Variants in CNTN4 observed in about 807,000 individuals in gnomAD.
The protein encoded by CNTN4 is contactin 4, also known as contactin-4.
A neutral mutation model predicts 122.5 loss-of-function variants in CNTN4; 77 were observed. The ratio of observed to expected loss-of-function variants is 0.63; its 90% confidence interval spans 0.52 to 0.76. The LOEUF (loss-of-function observed/expected upper bound fraction) is 0.76. Among genes scored for constraint, CNTN4 ranks in the 30% least tolerant of loss-of-function variants. The probability of loss-of-function intolerance (pLI) is 0.00; values close to 1 mark genes in which losing one functional copy is unlikely to be tolerated. For missense variants in CNTN4, 1,256 were observed against 1,259.1 expected (o/e 1.00, Z 0.04); for synonymous variants, 512 against 447.0 (o/e 1.15, Z -1.83).
chr3:2,613,397 T>G (rs1018052607), intron 4 of CNTN4, among the ~76,000 whole-genome samples: 9 of 152,122 alleles, frequency 5.9e-5, no homozygotes, highest in Admixed American at 2.6e-4. Context: ...GGGCCCATCT[T>G]CTATGATGCA....
chr3:2,833,025 A>G (rs1297823368), intron 7 of CNTN4, among the ~76,000 whole-genome samples: 1 of 152,210 alleles, frequency 6.6e-6, no homozygotes, highest in Non-Finnish European at 1.5e-5. Context: ...AAAAAAAATT[A>G]CTTGGTGATC....
chr3:2,968,766 G>T (rs1692581986), intron 13 of CNTN4, among the ~76,000 whole-genome samples: 1 of 152,152 alleles, frequency 6.6e-6, no homozygotes, highest in Non-Finnish European at 1.5e-5. Context: ...AAACAAGGAG[G>T]TGGACAGTTA....
chr3:2,983,553 C>T (rs181469894), intron 13 of CNTN4, among the ~76,000 whole-genome samples: 12 of 152,278 alleles, frequency 7.9e-5, no homozygotes, highest in Admixed American at 3.9e-4. Flanking sequence ...GCACCTGTCC[C>T]GCCTGGTGTA....
At chr3:2,821,008 CT>C (rs2092856527) in intron 7 of CNTN4, among the ~76,000 whole-genome samples, 1 of 126,556 alleles carries the variant, frequency 7.9e-6, no homozygotes, top group Admixed American at 9.3e-5. Flanking sequence ...GTCACCCAAT[CT>C]GGAGTGTGGT....
rs1197317225 is a variant in CNTN4 at position 2,414,725 on chromosome 3, G to A, written c.-89+75492G>A. On this transcript the variant is annotated intron_variant, in intron 3 of 24. Transcript: ENST00000418658. ...ACATTCAAGGAGTTGATTTTGTTTT[G>A]TATTTAAATTTTTCTATAGTATGGA... Among the ~76,000 whole-genome samples the A allele has an allele frequency of 2.0e-5, 3 of 151,950 alleles. No individual in the cohort carries two copies. In the East Asian group the frequency reaches 5.8e-4, roughly 29 times the overall value.
intron 4 of CNTN4, among the ~76,000 whole-genome samples, chr3:2,658,984 A>ATG (rs1559355935): frequency 2.7e-5 from 4 of 148,166 alleles, no homozygotes; most frequent in African/African-American, 1.0e-4. Context: ...ACACACACAC[A>ATG]CACACACACA....
intron 4 of CNTN4, among the ~76,000 whole-genome samples, chr3:2,614,066 C>A (rs752843627): frequency 6.6e-6 from 1 of 152,044 alleles, no homozygotes; most frequent in Non-Finnish European, 1.5e-5. Flanking sequence ...TCAACAAAAA[C>A]AAAAAATGTG....
chr3:2,785,173 A>G (rs918776222), intron 6 of CNTN4, among the ~76,000 whole-genome samples: 24 of 151,478 alleles, frequency 1.6e-4, no homozygotes, highest in Admixed American at 1.3e-4. Flanking sequence ...AGAGAGATTT[A>G]ATATGATAAA....
chr3:2,220,564 G>A (rs892198724), intron 2 of CNTN4, among the ~76,000 whole-genome samples: 2 of 152,062 alleles, frequency 1.3e-5, no homozygotes, highest in African/African-American at 2.4e-5. Context: ...CCGACTTTCA[G>A]TTCTATGTTA....
intron 3 of CNTN4, among the ~76,000 whole-genome samples, chr3:2,479,916 C>T (rs2075941010): frequency 6.6e-6 from 1 of 152,066 alleles, no homozygotes; most frequent in South Asian, 2.1e-4. Flanking sequence ...TAATTATACA[C>T]CACCACCACC....
intron 6 of CNTN4, among the ~76,000 whole-genome samples, chr3:2,746,040 ACAC>A (rs759653329): frequency 1.1e-4 from 16 of 152,196 alleles, no homozygotes; most frequent in Non-Finnish European, 1.8e-4. Context: ...ACCCACACAC[ACAC>A]ATTTTAAATA....
At chr3:2,989,955 T>G (rs1185910100) in intron 14 of CNTN4, among the ~76,000 whole-genome samples, 1 of 152,230 alleles carries the variant, frequency 6.6e-6, no homozygotes, top group Non-Finnish European at 1.5e-5. Flanking sequence ...GTTGACATCT[T>G]AAATCATAGT....
chr3:2,172,533 A>G (rs967906484), intron 2 of CNTN4, among the ~76,000 whole-genome samples: 11 of 152,144 alleles, frequency 7.2e-5, no homozygotes, highest in Non-Finnish European at 1.5e-4. Flanking sequence ...AACCACCTGT[A>G]CCCTAAAAAC....
chr3:2,450,960 C>A (rs1331433332), intron 3 of CNTN4, among the ~76,000 whole-genome samples: 1 of 152,204 alleles, frequency 6.6e-6, no homozygotes, highest in Non-Finnish European at 1.5e-5. Flanking sequence ...ATTACAGAGA[C>A]CTTCCTTTCC....
At chr3:2,691,129 C>T (rs2085715855) in intron 4 of CNTN4, among the ~76,000 whole-genome samples, 2 of 152,158 alleles carry the variant, frequency 1.3e-5, no homozygotes, top group African/African-American at 4.8e-5. Flanking sequence ...TGGCTTGTCT[C>T]TGCATTGGCA....
At chr3:2,755,773 A>G (rs1050761636) in intron 6 of CNTN4, among the ~76,000 whole-genome samples, 1 of 152,214 alleles carries the variant, frequency 6.6e-6, no homozygotes, top group Non-Finnish European at 1.5e-5. Flanking sequence ...AGAGTATGAT[A>G]TATATATGAA....
chr3:2,749,959 G>GA lies in CNTN4; in HGVS notation c.358+4271dup, dbSNP rs200598269. On this transcript the variant is annotated intron_variant, in intron 6 of 24. Transcript: ENST00000418658. ...CCACGTATTGTCATACTCATTGAAGGAAAAAAAAATGTTGCTTTTTGGCCA... is the reference window on the plus strand; with the variant it reads ...CCACGTATTGTCATACTCATTGAAGGAAAAAAAAAATGTTGCTTTTTGGCCA... Among the ~76,000 whole-genome samples the GA allele has an allele frequency of 2.5e-4, 38 of 150,844 alleles. No homozygotes were observed. In the East Asian group the frequency reaches 5.3e-3, roughly 21 times the overall value.
intron 3 of CNTN4, among the ~76,000 whole-genome samples, chr3:2,386,050 T>A (rs1015226653): frequency 6.6e-6 from 1 of 152,090 alleles, no homozygotes; most frequent in Non-Finnish European, 1.5e-5. Context: ...TACTTATTAA[T>A]TTTCATGTCA....
At chr3:2,237,911 A>G (rs2039747238) in intron 2 of CNTN4, among the ~76,000 whole-genome samples, 1 of 152,180 alleles carries the variant, frequency 6.6e-6, no homozygotes, top group African/African-American at 2.4e-5. Context: ...TTACTGTGAT[A>G]ATTTTCTTGC....
Sources: gnomAD v4.1 joint callset for allele counts (sites outside exome capture counted in the v4.1 genomes callset) on GRCh38, gnomAD v4.1.1 for gene constraint, MANE v1.5 for transcripts, NCBI Gene and HGNC (gene_info 2026-07-23, HGNC 2026-07-21) for gene names.